Variants in ST3GAL3 observed in about 807,000 individuals in gnomAD.
ST3GAL3 encodes the protein CMP-N-acetylneuraminate-beta-1,4-galactoside alpha-2,3-sialyltransferase.
A neutral mutation model predicts 50.1 loss-of-function variants in ST3GAL3; 21 were observed. The ratio of observed to expected loss-of-function variants is 0.42; its 90% CI spans 0.30 to 0.60. The LOEUF (loss-of-function observed/expected upper bound fraction) is 0.60, where lower values mean the gene tolerates loss of function less well. Ranked by LOEUF, ST3GAL3 falls within the 20% of genes least tolerant of loss-of-function variation. ST3GAL3 has a pLI of 0.19. For synonymous variants in ST3GAL3, 183 were observed against 190.0 expected (o/e 0.96, Z 0.30); for missense variants, 353 against 489.4 (o/e 0.72, Z 2.63).
At chr1:43,850,320 A>G (rs922589755) in intron 5 of ST3GAL3, 4 of 589,938 alleles carry the variant, frequency 6.8e-6, no homozygotes, top group East Asian at 5.7e-5. Flanking sequence ...CAGGCCAGGC[A>G]GAGGGAAGAG....
chr1:43,846,977 C>A (rs755366100), intron 5 of ST3GAL3, among the ~76,000 whole-genome samples: 2 of 151,978 alleles, frequency 1.3e-5, no homozygotes, highest in Non-Finnish European at 2.9e-5. Context: ...GATTTAAAAG[C>A]GGGTAGAGAA....
At position 43,759,058 on chromosome 1, in the gene ST3GAL3, AGCGC is replaced by A. The variant is rs550891277; in HGVS notation, c.118+22683_118+22686del. On this transcript the variant is annotated intron_variant, in intron 2 of 11. Coordinates refer to ENST00000347631, the MANE Select transcript of ST3GAL3 (RefSeq NM_006279.5). ...GACTGTCTCCTAAAAAACAAACAAA[AGCGC>A]GCGCACACACACACACACACACACA... 1.2e-3 allele frequency among the ~76,000 whole-genome samples: 138 copies of A among 113,732 alleles called. 1 individual carries two copies. The highest frequency in any genetic ancestry group is 3.9e-3 in the African/African-American group (127 of 32,730). 74.6% of individuals were successfully genotyped at this position (113,732 alleles called of 152,430 possible). A position where few individuals can be genotyped will look rare whatever the true frequency, so the allele number is the denominator to read the frequency against.
At chr1:43,746,975 A>G (rs1298451817) in intron 2 of ST3GAL3, among the ~76,000 whole-genome samples, 2 of 148,574 alleles carry the variant, frequency 1.3e-5, no homozygotes, top group Non-Finnish European at 3.0e-5. Flanking sequence ...CATATTGGCC[A>G]GGCTGGTGTC....
At chr1:43,762,115 T>G (rs1004539938) in intron 2 of ST3GAL3, among the ~76,000 whole-genome samples, 1 of 149,376 alleles carries the variant, frequency 6.7e-6, no homozygotes, top group Non-Finnish European at 1.5e-5. Flanking sequence ...AAAATAAAAA[T>G]GAAAAATCAG....
In ST3GAL3 at chr1:43,911,313, T is replaced by A. The variant is rs193283520; in HGVS notation, c.745-9091T>A. ...GCACACCCACCACACCTGACTAATA[T>A]TTCTTTTTCTTTTTTTTTTTTTTTT... On this transcript the variant is annotated intron_variant, in intron 9 of 11. Coordinates refer to ENST00000347631, the MANE Select transcript of ST3GAL3 (RefSeq NM_006279.5). The A allele has an allele frequency of 1.8e-3, 265 of 151,160 alleles. 1 individual carries two copies. Among genetic ancestry groups the A allele is most frequent in the African/African-American group, 6.1e-3 (251 of 41,138 alleles). 9.4% of individuals were successfully genotyped at this position (151,160 alleles called of 1,614,324 possible).
chr1:43,840,646 G>C (rs917954940), intron 5 of ST3GAL3: 1 of 151,730 alleles, frequency 6.6e-6, no homozygotes, highest in African/African-American at 2.4e-5. Flanking sequence ...TTTGTGGCTT[G>C]TGGGGCATCA....
chr1:43,798,158 C>T (rs1474674338), intron 3 of ST3GAL3, among the ~76,000 whole-genome samples: 1 of 152,166 alleles, frequency 6.6e-6, no homozygotes, highest in Non-Finnish European at 1.5e-5. Flanking sequence ...CCCTCTCCCC[C>T]TTTCCTGTCT....
intron 2 of ST3GAL3, among the ~76,000 whole-genome samples, chr1:43,769,422 C>T (rs1488346303): frequency 6.6e-6 from 1 of 152,110 alleles, no homozygotes; most frequent in Non-Finnish European, 1.5e-5. Flanking sequence ...CAAGAAAAAC[C>T]CATGATGAAA....
intron 2 of ST3GAL3, among the ~76,000 whole-genome samples, chr1:43,769,825 T>C (rs1482821663): frequency 6.6e-6 from 1 of 152,228 alleles, no homozygotes; most frequent in East Asian, 1.9e-4. Context: ...TATAAAAGGA[T>C]GTTGTATTTT....
At chr1:43,812,326 T>G (rs1273194641) in intron 3 of ST3GAL3, among the ~76,000 whole-genome samples, 1 of 152,182 alleles carries the variant, frequency 6.6e-6, no homozygotes, top group East Asian at 1.9e-4. Flanking sequence ...GAGCCGCCCT[T>G]CAGCAGGGCA....
chr1:43,787,431 TAATG>T lies in ST3GAL3; in HGVS notation c.119-4666_119-4663del, dbSNP rs201290777. Reference sequence around the variant, plus strand: ...TACGTCCTTTAGAATAAATCACAAATAATGAATGGCCAAACTGTTTCTGAAGTCA... The same window carrying T: ...TACGTCCTTTAGAATAAATCACAAATAATGGCCAAACTGTTTCTGAAGTCA... On this transcript the variant is annotated intron_variant, in intron 2 of 11. Transcript: ENST00000347631. 9.4e-3 allele frequency among the ~76,000 whole-genome samples: 1,425 copies of T among 152,368 alleles called. 26 individuals carry two copies. The highest frequency in any genetic ancestry group is 0.033 in the African/African-American group (1,374 of 41,590).
chr1:43,850,637 G>A, intron 5 of ST3GAL3: 2 of 752,188 alleles, frequency 2.7e-6, no homozygotes, highest in Admixed American at 1.8e-5. Flanking sequence ...CAGCCCTTCT[G>A]CCATCTGTGC....
chr1:43,910,859 T>C (rs1230271621), intron 9 of ST3GAL3, among the ~76,000 whole-genome samples: 1 of 152,206 alleles, frequency 6.6e-6, no homozygotes, highest in African/African-American at 2.4e-5. Flanking sequence ...GGCCCCACTG[T>C]GGTCCTCCTC....
intron 3 of ST3GAL3, among the ~76,000 whole-genome samples, chr1:43,803,300 C>T (rs889071502): frequency 5.9e-5 from 9 of 151,304 alleles, no homozygotes; most frequent in African/African-American, 9.7e-5. Flanking sequence ...CCCAGTTACT[C>T]GGGCTGAGGT....
At chr1:43,904,026 G>C (rs2078729452) in intron 9 of ST3GAL3, among the ~76,000 whole-genome samples, 1 of 152,052 alleles carries the variant, frequency 6.6e-6, no homozygotes, top group African/African-American at 2.4e-5. Context: ...TTTTATCACT[G>C]GTGGTGATTT....
At chr1:43,825,380 T>C (rs1371952305) in intron 4 of ST3GAL3, among the ~76,000 whole-genome samples, 1 of 152,234 alleles carries the variant, frequency 6.6e-6, no homozygotes, top group East Asian at 1.9e-4. Flanking sequence ...TTTTTGGAAA[T>C]CCATTTTATA....
At chr1:43,925,506 T>C (rs999081283) in intron 11 of ST3GAL3, among the ~76,000 whole-genome samples, 1 of 152,118 alleles carries the variant, frequency 6.6e-6, no homozygotes, top group African/African-American at 2.4e-5. Context: ...CCATTATGAT[T>C]AATATTTTAC....
intron 5 of ST3GAL3, among the ~76,000 whole-genome samples, chr1:43,876,178 G>A (rs937256694): frequency 4.6e-5 from 7 of 152,004 alleles, no homozygotes; most frequent in African/African-American, 1.4e-4. Flanking sequence ...TGCTCAGGCT[G>A]ATCTCAAACT....
At chr1:43,819,904 G>C (rs982963735) in intron 4 of ST3GAL3, among the ~76,000 whole-genome samples, 1 of 152,192 alleles carries the variant, frequency 6.6e-6, no homozygotes, top group East Asian at 1.9e-4. Flanking sequence ...TTTGTTTAGG[G>C]TAATGACTTA....
Sources: gnomAD v4.1 joint callset for allele counts (sites outside exome capture counted in the v4.1 genomes callset) on GRCh38, gnomAD v4.1.1 for gene constraint, MANE v1.5 for transcripts, NCBI Gene and HGNC (gene_info 2026-07-23, HGNC 2026-07-21) for gene names.